Variants in LRMDA observed in about 807,000 individuals in gnomAD.
The protein encoded by LRMDA is leucine-rich melanocyte differentiation-associated protein.
In LRMDA, 18 loss-of-function variants were observed where a neutral mutation model predicts 29.8. The observed-to-expected ratio is 0.60, with a 90% CI of 0.42 to 0.90. The LOEUF is 0.90. Among genes scored for constraint, LRMDA ranks in the 40% least tolerant of loss-of-function variants. LRMDA has a pLI of 0.00. For missense variants in LRMDA, 273 were observed against 273.9 expected (o/e 1.00, Z 0.02); for synonymous variants, 125 against 109.4 (o/e 1.14, Z -0.89).
chr10:75,511,026 A>G (rs1015764932), intron 2 of LRMDA, among the ~76,000 whole-genome samples: 5 of 152,138 alleles, frequency 3.3e-5, no homozygotes, highest in Admixed American at 6.5e-5. Flanking sequence ...TTGATTTGGG[A>G]AGAGCCTCAC....
chr10:76,538,450 G>A (rs1843313735), intron 6 of LRMDA, among the ~76,000 whole-genome samples: 1 of 139,380 alleles, frequency 7.2e-6, no homozygotes, highest in African/African-American at 2.7e-5. Flanking sequence ...AGGATATCTT[G>A]CATATATATG....
intron 2 of LRMDA, among the ~76,000 whole-genome samples, chr10:75,527,841 G>T (rs550650600): frequency 6.6e-6 from 1 of 150,886 alleles, no homozygotes. Context: ...GTAGTGCAGT[G>T]GGGGGATTTT....
intron 6 of LRMDA, among the ~76,000 whole-genome samples, chr10:76,376,750 A>G (rs1412906574): frequency 6.6e-6 from 1 of 151,808 alleles, no homozygotes; most frequent in African/African-American, 2.4e-5. Flanking sequence ...TGACTTTTTA[A>G]TAATAGCCAT....
intron 5 of LRMDA, among the ~76,000 whole-genome samples, chr10:76,312,081 A>G (rs1254683599): frequency 6.6e-6 from 1 of 152,166 alleles, no homozygotes; most frequent in African/African-American, 2.4e-5. Flanking sequence ...CCTTGGCTAC[A>G]TGTTTCTCCT....
intron 2 of LRMDA, among the ~76,000 whole-genome samples, chr10:75,698,323 C>T (rs749102216): frequency 2.0e-5 from 3 of 152,192 alleles, no homozygotes; most frequent in Non-Finnish European, 4.4e-5. Context: ...CTTCATTTTC[C>T]CCACCAGCAA....
At chr10:76,301,431 A>T (rs1270073591) in intron 5 of LRMDA, among the ~76,000 whole-genome samples, 1 of 152,258 alleles carries the variant, frequency 6.6e-6, no homozygotes, top group Non-Finnish European at 1.5e-5. Context: ...AGGACGAAGA[A>T]GCGCAAGCTG....
At chr10:76,357,770 G>C (rs1841260301) in intron 6 of LRMDA, among the ~76,000 whole-genome samples, 1 of 152,186 alleles carries the variant, frequency 6.6e-6, no homozygotes, top group African/African-American at 2.4e-5. Flanking sequence ...CACATTTCCA[G>C]CTTCTCTCGT....
At chr10:75,682,476 CCAATAT>C (rs1842035125) in intron 2 of LRMDA, among the ~76,000 whole-genome samples, 1 of 151,554 alleles carries the variant, frequency 6.6e-6, no homozygotes, top group East Asian at 1.9e-4. Context: ...ACACTCAATA[CCAATAT>C]ATACACATAT....
At chr10:75,972,170 G>A (rs1226519680) in intron 2 of LRMDA, among the ~76,000 whole-genome samples, 1 of 152,108 alleles carries the variant, frequency 6.6e-6, no homozygotes, top group Non-Finnish European at 1.5e-5. Flanking sequence ...TGACTAATAT[G>A]GCATTAGTTG....
At chr10:76,537,865 C>T (rs1475133781) in intron 6 of LRMDA, among the ~76,000 whole-genome samples, 2 of 152,122 alleles carry the variant, frequency 1.3e-5, no homozygotes, top group Non-Finnish European at 2.9e-5. Flanking sequence ...CTCTGAAAAT[C>T]CTGACTTTTA....
At chr10:75,927,951 C>G (rs1247362926) in intron 2 of LRMDA, among the ~76,000 whole-genome samples, 1 of 152,166 alleles carries the variant, frequency 6.6e-6, no homozygotes, top group Non-Finnish European at 1.5e-5. Flanking sequence ...ACCTGCCTCA[C>G]AGGGTTGTTG....
Position 76,102,094 on chromosome 10 carries a change from G to A in LRMDA, c.516+43311G>A, listed in dbSNP as rs200295207. ...TTCAAGATTATCCACATCATAGCAT[G>A]TATCAGTATTTCATTCCTTTTCATG... On this transcript the variant is annotated intron_variant, in intron 5 of 6. Coordinates refer to ENST00000611255, the MANE Select transcript of LRMDA (RefSeq NM_001305581.2). 1.2e-4 allele frequency among the ~76,000 whole-genome samples: 18 copies of A among 152,216 alleles called. No individual in the cohort carries two copies. In the East Asian group the frequency reaches 3.5e-3, roughly 29 times the overall value.
chr10:76,289,141 C>A (rs1476439646), intron 5 of LRMDA, among the ~76,000 whole-genome samples: 1 of 152,148 alleles, frequency 6.6e-6, no homozygotes, highest in African/African-American at 2.4e-5. Context: ...TTGATGGTAT[C>A]TTTCTCTAGG....
At chr10:75,731,281 A>C (rs536266868) in intron 2 of LRMDA, among the ~76,000 whole-genome samples, 1 of 152,360 alleles carries the variant, frequency 6.6e-6, no homozygotes, top group African/African-American at 2.4e-5. Flanking sequence ...CTGCCTTTGA[A>C]ATGGAAATGC....
At chr10:76,182,316 A>G (rs917123774) in intron 5 of LRMDA, among the ~76,000 whole-genome samples, 2 of 152,156 alleles carry the variant, frequency 1.3e-5, no homozygotes, top group African/African-American at 4.8e-5. Context: ...AGTGTGAGGA[A>G]AAACACTCCC....
intron 2 of LRMDA, among the ~76,000 whole-genome samples, chr10:75,805,604 G>A (rs1231451497): frequency 6.6e-6 from 1 of 152,100 alleles, no homozygotes; most frequent in East Asian, 1.9e-4. Context: ...GAGATTTTGG[G>A]TAGCTGAGAT....
chr10:76,114,030 G>A (rs540507786), intron 5 of LRMDA, among the ~76,000 whole-genome samples: 2 of 152,278 alleles, frequency 1.3e-5, no homozygotes, highest in South Asian at 2.1e-4. Flanking sequence ...AGACTTGTCA[G>A]GCCTAGTAAG....
intron 2 of LRMDA, among the ~76,000 whole-genome samples, chr10:76,011,532 A>G (rs4746347): frequency 0.45 from 68,876 of 151,996 alleles, 15,857 homozygotes; most frequent in Middle Eastern, 0.48. Flanking sequence ...TGACTAGTGG[A>G]GCAGATCTCA....
chr10:75,554,352 ACT>A (rs1383244521), intron 2 of LRMDA, among the ~76,000 whole-genome samples: 1 of 152,220 alleles, frequency 6.6e-6, no homozygotes, highest in East Asian at 1.9e-4. Context: ...GAACATTTAT[ACT>A]GCAGAAGAGA....
Sources: allele counts gnomAD v4.1 joint callset (sites outside exome capture counted in the v4.1 genomes callset), GRCh38; gene constraint gnomAD v4.1.1; transcripts MANE v1.5; gene names NCBI Gene and HGNC (gene_info 2026-07-23, HGNC 2026-07-21).